The following LINGO2 variants were observed in gnomAD, a reference collection of about 807,000 sequenced individuals.
LINGO2 encodes leucine-rich repeat and immunoglobulin-like domain-containing nogo receptor-interacting protein 2.
LINGO2 carries 14 observed loss-of-function variants against 30.6 expected under a neutral mutation model. The ratio of observed to expected loss-of-function variants is 0.46; its 90% confidence interval spans 0.30 to 0.72. The LOEUF (loss-of-function observed/expected upper bound fraction) is 0.72, where lower values mean the gene tolerates loss of function less well. Among genes scored for constraint, LINGO2 ranks in the 30% least tolerant of loss-of-function variants. LINGO2 has a pLI of 0.07. For synonymous variants in LINGO2, 317 were observed against 288.5 expected, an observed-to-expected ratio of 1.10 and a Z score of -1.00; for missense variants, 729 against 751.7, an observed-to-expected ratio of 0.97 and a Z score of 0.35.
chr9:28,403,934 C>T (rs1277049541), intron 2 of LINGO2, among the ~76,000 whole-genome samples: 8 of 151,986 alleles, frequency 5.3e-5, no homozygotes, highest in Admixed American at 5.3e-4. Flanking sequence ...TCTCCCAATT[C>T]CTTAAGATGA....
intron 1 of LINGO2, among the ~76,000 whole-genome samples, chr9:28,554,594 A>G (rs1470054288): frequency 7.7e-6 from 1 of 129,446 alleles, no homozygotes; most frequent in Non-Finnish European, 1.6e-5. Context: ...GATCAACGAG[A>G]CAGAAAGTCA....
chr9:28,238,003 T>C (rs1371704607), intron 4 of LINGO2, among the ~76,000 whole-genome samples: 1 of 152,046 alleles, frequency 6.6e-6, no homozygotes, highest in Non-Finnish European at 1.5e-5. Flanking sequence ...ACAAAATAGA[T>C]TTCAAGACAG....
chr9:28,514,593 T>A (rs1820544702), intron 1 of LINGO2, among the ~76,000 whole-genome samples: 1 of 152,190 alleles, frequency 6.6e-6, no homozygotes, highest in African/African-American at 2.4e-5. Context: ...TTCTATTATA[T>A]CAAGGATGAA....
At chr9:29,099,148 T>A in the LINGO2 span, among the ~76,000 whole-genome samples, 5 of 152,310 alleles carry the variant, frequency 3.3e-5, no homozygotes, top group Admixed American at 2.0e-4. Context: ...GTTTCTTCAA[T>A]CGATAGTGCT....
intron 4 of LINGO2, among the ~76,000 whole-genome samples, chr9:28,091,927 C>A (rs1403524066): frequency 6.6e-6 from 1 of 152,014 alleles, no homozygotes; most frequent in South Asian, 2.1e-4. Flanking sequence ...TTTTTGCAGC[C>A]AAAAGACACA....
At chr9:28,000,740 T>C (rs1821907283) in intron 5 of LINGO2, among the ~76,000 whole-genome samples, 1 of 152,210 alleles carries the variant, frequency 6.6e-6, no homozygotes, top group African/African-American at 2.4e-5. Flanking sequence ...TTGACAATAG[T>C]TTTTTATTTG....
the LINGO2 span, among the ~76,000 whole-genome samples, chr9:29,183,568 G>A: frequency 3.3e-5 from 5 of 152,232 alleles, no homozygotes; most frequent in Admixed American, 1.3e-4. Flanking sequence ...GTTAACAGAC[G>A]GACTGCAGGA....
chr9:28,961,127 G>A, the LINGO2 span, among the ~76,000 whole-genome samples: 1 of 152,112 alleles, frequency 6.6e-6, no homozygotes, highest in African/African-American at 2.4e-5. Flanking sequence ...TATACTGTAA[G>A]GTTTGGAATA....
At position 28,527,585 on chromosome 9, in the gene LINGO2, C is replaced by A. The variant is rs1433418327; in HGVS notation, c.-364-51560G>T. 2.0e-5 allele frequency among the ~76,000 whole-genome samples: 3 copies of A among 152,084 alleles called. No individual in the cohort carries two copies. The East Asian group carries it at 5.8e-4, about 29-fold the overall frequency. ...TCTCTCTAAGTGTCAAGGAAAACAA[C>A]CCAAGTAGCCTTATAGCCTGAGGCA... On this transcript the variant is annotated intron_variant, in intron 1 of 5. Transcript: ENST00000379992.
At chr9:29,198,930 C>T in the LINGO2 span, among the ~76,000 whole-genome samples, 1 of 152,048 alleles carries the variant, frequency 6.6e-6, no homozygotes, top group South Asian at 2.1e-4. Flanking sequence ...GCCAAATAGT[C>T]CCAGTAGGGG....
the LINGO2 span, among the ~76,000 whole-genome samples, chr9:28,727,200 C>A: frequency 6.6e-6 from 1 of 152,016 alleles, no homozygotes; most frequent in Non-Finnish European, 1.5e-5. Flanking sequence ...TGACAGAGGC[C>A]CCAAACTATT....
At chr9:28,619,831 AG>A (rs1826310860) in intron 1 of LINGO2, among the ~76,000 whole-genome samples, 1 of 152,116 alleles carries the variant, frequency 6.6e-6, no homozygotes, top group Non-Finnish European at 1.5e-5. Context: ...GACAGCTTAT[AG>A]GGGTGAAGTA....
At chr9:28,432,340 T>C (rs1209636380) in intron 2 of LINGO2, among the ~76,000 whole-genome samples, 1 of 151,952 alleles carries the variant, frequency 6.6e-6, no homozygotes, top group Non-Finnish European at 1.5e-5. Flanking sequence ...GCTGAAGTTG[T>C]ACCTGAATTT....
At chr9:29,186,261 T>C in the LINGO2 span, among the ~76,000 whole-genome samples, 1 of 152,260 alleles carries the variant, frequency 6.6e-6, no homozygotes, top group Middle Eastern at 3.4e-3. Flanking sequence ...CATTAAACTC[T>C]ATAACTCTGC....
At chr9:28,776,969 G>T in the LINGO2 span, among the ~76,000 whole-genome samples, 1 of 151,856 alleles carries the variant, frequency 6.6e-6, no homozygotes, top group East Asian at 1.9e-4. Flanking sequence ...TTTCCCCCTT[G>T]CTGTTCTCAT....
intron 4 of LINGO2, among the ~76,000 whole-genome samples, chr9:28,028,757 T>A (rs1308240441): frequency 1.3e-5 from 2 of 152,162 alleles, no homozygotes; most frequent in Non-Finnish European, 2.9e-5. Context: ...TTTTTTTTCT[T>A]TTTGAATATT....
chr9:29,001,998 T>C, the LINGO2 span, among the ~76,000 whole-genome samples: 1 of 152,044 alleles, frequency 6.6e-6, no homozygotes, highest in Non-Finnish European at 1.5e-5. Context: ...AAATTCCTTC[T>C]ATGGTTTGTC....
the LINGO2 span, among the ~76,000 whole-genome samples, chr9:28,755,462 C>T: frequency 6.6e-6 from 1 of 152,064 alleles, no homozygotes; most frequent in African/African-American, 2.4e-5. Flanking sequence ...AAATGTGACA[C>T]TTTATAAATG....
intron 4 of LINGO2, among the ~76,000 whole-genome samples, chr9:28,136,478 G>T (rs1827520711): frequency 6.6e-6 from 1 of 152,186 alleles, no homozygotes; most frequent in African/African-American, 2.4e-5. Flanking sequence ...AAGATTTATG[G>T]ATTTGCTAAT....
Sources: gnomAD v4.1 joint callset for allele counts (sites outside exome capture counted in the v4.1 genomes callset) on GRCh38, gnomAD v4.1.1 for gene constraint, MANE v1.5 for transcripts, NCBI Gene and HGNC (gene_info 2026-07-23, HGNC 2026-07-21) for gene names.